The following FRY variants were observed in gnomAD, a reference collection of about 807,000 sequenced individuals.
FRY encodes protein furry homolog.
Under a neutral mutation model 348.4 loss-of-function variants are expected in FRY, and 128 were observed. The ratio of observed to expected loss-of-function variants is 0.37; its 90% CI spans 0.32 to 0.43. FRY has a LOEUF of 0.43. Ranked by LOEUF, FRY falls within the 20% of genes least tolerant of loss-of-function variation. The pLI, the probability that FRY is intolerant of heterozygous loss-of-function variation, is 1.00. For synonymous variants in FRY, 1,370 were observed against 1,374.7 expected (o/e 1.00, Z 0.08); for missense variants, 2,736 against 3,695.2 (o/e 0.74, Z 6.73).
chr13:32,250,522 G>A (rs971466485), intron 49 of FRY, among the ~76,000 whole-genome samples: 6 of 152,198 alleles, frequency 3.9e-5, no homozygotes, highest in Admixed American at 6.5e-5. Flanking sequence ...GGCAGCTCCA[G>A]GTTTACATGG....
chr13:32,096,942 A>G (rs1352529318), intron 2 of FRY, among the ~76,000 whole-genome samples: 1 of 87,874 alleles, frequency 1.1e-5, no homozygotes, highest in Non-Finnish European at 2.7e-5. Flanking sequence ...TATAGCAACA[A>G]CTTATATATA....
At position 32,218,799 on chromosome 13, in the gene FRY, A is replaced by G. The variant is rs377526978; in HGVS notation, c.4733A>G (p.Asn1578Ser). The G allele has an allele frequency of 4.4e-6, 7 of 1,606,242 alleles. No homozygotes were observed. The highest frequency in any genetic ancestry group is 3.3e-5 in the Admixed American group (2 of 59,986). Residue 1578 changes from asparagine to serine, a missense_variant, in exon 36 of 61, where the codon AAT becomes AGT. Physicochemically the swap from Asn to Ser is conservative, Grantham distance 46. Coordinates refer to ENST00000542859, the MANE Select transcript of FRY (RefSeq NM_023037.3). ...ACTCGCCTCGAGTCAAGATACAGCA[A>G]TAGCTCTGGAGGATCCTACGATGAA... Reference protein sequence around the residue: ...AHTRLESRYSNSSGGSYDEDK... With the variant: ...AHTRLESRYSSSSGGSYDEDK...
At chr13:32,203,991 A>G (rs890750120) in intron 31 of FRY, among the ~76,000 whole-genome samples, 1 of 152,232 alleles carries the variant, frequency 6.6e-6, no homozygotes, top group Non-Finnish European at 1.5e-5. Context: ...TCCTAAAAAT[A>G]GCTGATAACA....
chr13:32,155,181 C>T (rs776841812), intron 14 of FRY, among the ~76,000 whole-genome samples: 1 of 152,116 alleles, frequency 6.6e-6, no homozygotes, highest in Non-Finnish European at 1.5e-5. Flanking sequence ...TTAGTTGCAT[C>T]CAGAGGATGA....
At chr13:32,269,932 T>C (rs1209841887) in intron 55 of FRY, among the ~76,000 whole-genome samples, 2 of 152,200 alleles carry the variant, frequency 1.3e-5, no homozygotes, top group Non-Finnish European at 2.9e-5. Flanking sequence ...TTACTTGTAG[T>C]GCTCTTTCAA....
At chr13:32,031,917 A>G (rs1872241195) in intron 1 of FRY, 52 bp downstream of exon 1, 1 of 1,017,698 alleles carries the variant, frequency 9.8e-7, no homozygotes, top group African/African-American at 1.6e-5. Context: ...GATGTTGCAT[A>G]AGGCTGGAGA....
In FRY at chr13:32,225,972, C is replaced by G. The variant is rs1455555297; in HGVS notation, c.5204C>G (p.Thr1735Arg). The G allele has an allele frequency of 6.2e-7, 1 of 1,613,246 alleles. No individual in the cohort carries two copies. The highest frequency in any genetic ancestry group is 2.2e-5 in the East Asian group (1 of 44,896). ...GCCTACCAACCTGAATATCTCTATA[C>G]AGGTAACAGAGAAGGACTGGTAGAG... ...QPAYQPEYLY[T>R]GGFDFLREDQ... Residue 1735 changes from threonine (T) to arginine (R), a missense_variant and splice_region_variant, in exon 39 of 61, where the codon ACA (threonine) becomes AGA (arginine). Thr to Arg is a moderately conservative substitution (Grantham distance 71). This residue lies in a region of FRY where 794 missense variants were observed against 977.0 expected (regional missense o/e 0.81). Coordinates refer to ENST00000542859, the MANE Select transcript of FRY (RefSeq NM_023037.3).
At chr13:32,256,837 C>T (rs1361447359) in intron 51 of FRY, among the ~76,000 whole-genome samples, 2 of 149,700 alleles carry the variant, frequency 1.3e-5, no homozygotes, top group Non-Finnish European at 3.0e-5. Flanking sequence ...CATTCCTCAT[C>T]TGAAAATTCA....
At chr13:32,205,165 T>C (rs1446767510) in intron 31 of FRY, among the ~76,000 whole-genome samples, 1 of 130,394 alleles carries the variant, frequency 7.7e-6, no homozygotes, top group African/African-American at 3.0e-5. Context: ...ATTGTGCTAC[T>C]GCACTCCAGC....
intron 1 of FRY, among the ~76,000 whole-genome samples, chr13:32,046,364 T>C (rs17077006): frequency 0.015 from 2,216 of 152,278 alleles, 52 homozygotes; most frequent in African/African-American, 0.051. Context: ...CTATCTTCTT[T>C]GTGGACAGTG....
chr13:32,152,423 A>T (rs1232277958), intron 14 of FRY, among the ~76,000 whole-genome samples: 1 of 152,190 alleles, frequency 6.6e-6, no homozygotes, highest in African/African-American at 2.4e-5. Context: ...AGAAGGATGA[A>T]TATAAAAACC....
intron 2 of FRY, among the ~76,000 whole-genome samples, chr13:32,087,859 T>G (rs550924372): frequency 6.6e-6 from 1 of 152,306 alleles, no homozygotes; most frequent in South Asian, 2.1e-4. Flanking sequence ...AATGACTACC[T>G]CTAATTAAGT....
chr13:32,175,494 G>C, intron 19 of FRY, 52 bp from the exon 20 acceptor site: 1 of 1,072,560 alleles, frequency 9.3e-7, no homozygotes, highest in South Asian at 1.2e-5. Flanking sequence ...CGGTGGGGTG[G>C]GTGGGGAGGA....
chr13:32,205,090 C>A (rs1417968629), intron 31 of FRY, among the ~76,000 whole-genome samples: 1 of 151,892 alleles, frequency 6.6e-6, no homozygotes, highest in African/African-American at 2.4e-5. Context: ...GTAGTCCCAG[C>A]TACTCAGGAG....
intron 2 of FRY, among the ~76,000 whole-genome samples, chr13:32,082,979 C>A (rs535571619): frequency 2.0e-5 from 3 of 152,060 alleles, no homozygotes; most frequent in South Asian, 2.1e-4. Context: ...GGATTTATAT[C>A]TTTTCATCAA....
intron 37 of FRY, 23 bp downstream of exon 37, chr13:32,224,408 A>T: frequency 6.2e-7 from 1 of 1,611,076 alleles, no homozygotes; most frequent in Non-Finnish European, 8.5e-7. Context: ...TGTGGGGAGA[A>T]GGAAATCTTA....
chr13:32,209,437 G>A lies in FRY; in HGVS notation c.4276-148G>A, dbSNP rs1331608474. 3.8e-6 allele frequency: 3 copies of A among 799,178 alleles called. No homozygotes were observed. In the African/African-American group the frequency reaches 5.1e-5, roughly 14 times the overall value. 49.5% of individuals were successfully genotyped at this position (799,178 alleles called of 1,614,324 possible). ...TGTGCATTATTAACTACTGTTTACT[G>A]AAAGATGGCATCTTTCTGATAAATG... On this transcript the variant is annotated intron_variant, in intron 32 of 60. Coordinates refer to ENST00000542859, the MANE Select transcript of FRY (RefSeq NM_023037.3).
chr13:32,110,853 A>G (rs923772424), intron 3 of FRY, among the ~76,000 whole-genome samples: 1 of 152,250 alleles, frequency 6.6e-6, no homozygotes, highest in African/African-American at 2.4e-5. Context: ...TTTGCATAAT[A>G]AAGTCTGATT....
chr13:32,069,796 G>A (rs1316335006), intron 1 of FRY, among the ~76,000 whole-genome samples: 1 of 152,170 alleles, frequency 6.6e-6, no homozygotes, highest in Non-Finnish European at 1.5e-5. Context: ...CATGCGCCAT[G>A]TTGGTTTGCT....
Sources: allele counts gnomAD v4.1 joint callset (sites outside exome capture counted in the v4.1 genomes callset), GRCh38; gene constraint gnomAD v4.1.1; regional missense constraint gnomAD v4.1.1; transcripts MANE v1.5; gene names NCBI Gene and HGNC (gene_info 2026-07-23, HGNC 2026-07-21).